MYOM3: variants seen among roughly 807,000 people sequenced by gnomAD.
MYOM3 encodes myomesin 3, also known as myomesin-3.
In MYOM3, 155 loss-of-function variants were observed where a neutral mutation model predicts 191.7. The ratio of observed to expected loss-of-function variants is 0.81; its 90% confidence interval spans 0.71 to 0.92. The LOEUF (loss-of-function observed/expected upper bound fraction) is 0.92. MYOM3 is among the 40% of genes least tolerant of loss of function. The pLI is 0.00. For missense variants in MYOM3, 1,889 were observed against 1,890.6 expected (o/e 1.00, Z 0.02); for synonymous variants, 757 against 762.9 (o/e 0.99, Z 0.13).
At chr1:24,092,107 G>A (rs1643846097) in intron 11 of MYOM3, 67 bp downstream of exon 11, 1 of 1,360,300 alleles carries the variant, frequency 7.4e-7, no homozygotes, top group Admixed American at 2.9e-5. Context: ...CCTCCTCTTT[G>A]CTGTGGCTCC....
Position 24,090,054 on chromosome 1 carries a change from A to G in MYOM3, c.1486+11T>C. The G allele has an allele frequency of 1.9e-5, 31 of 1,613,340 alleles. No individual in the cohort carries two copies. The highest frequency in any genetic ancestry group is 2.5e-5 in the Non-Finnish European group (30 of 1,179,444). On this transcript the variant is annotated intron_variant, in intron 13 of 36. Transcript: ENST00000374434. The stretch of plus-strand genomic sequence containing the variant: ...TACAGGAGGCCCAGTGTGTGGGAGG[A>G]TCCCGCGTACCTTCAAAAGCGTCTG...
At chr1:24,095,860 A>C (rs1437295689) in intron 7 of MYOM3, among the ~76,000 whole-genome samples, 1 of 151,788 alleles carries the variant, frequency 6.6e-6, no homozygotes, top group East Asian at 1.9e-4. Context: ...GATCAGGGAG[A>C]GTGGTGGGGG....
chr1:24,064,227 G>T, intron 29 of MYOM3, 68 bp from the exon 30 acceptor site: 1 of 1,309,984 alleles, frequency 7.6e-7, no homozygotes. Flanking sequence ...TACCAAATCC[G>T]GAGGCCTGGG....
chr1:24,085,280 AGATGGATGGATGGATGGATGGATG>A (rs55900087), intron 15 of MYOM3, among the ~76,000 whole-genome samples: 1 of 137,600 alleles, frequency 7.3e-6, no homozygotes, highest in Non-Finnish European at 1.6e-5. Context: ...ATGGATGGAT[AGATGGATGGATGGATGGATGGATG>A]GATGGATGGA....
chr1:24,082,957 T>C (rs931264525), intron 16 of MYOM3: 11 of 389,388 alleles, frequency 2.8e-5, no homozygotes, highest in Non-Finnish European at 1.3e-5. Flanking sequence ...AAAACGCAAA[T>C]ACGCTAGGAA....
At chr1:24,091,029 G>C (rs780418276) in intron 11 of MYOM3, 33 bp from the exon 12 acceptor site, 1 of 1,609,350 alleles carries the variant, frequency 6.2e-7, no homozygotes, top group Non-Finnish European at 8.5e-7. Context: ...TTCAGCCCCT[G>C]CCCACAATGC....
Position 24,091,071 on chromosome 1 carries a change from C to T in MYOM3, c.1233-75G>A, listed in dbSNP as rs568293059. On this transcript the variant is annotated intron_variant, in intron 11 of 36. Transcript: ENST00000374434. ...TCCCAATGTGAGCCTCTACAAGGGC[C>T]TTTCTCTGACTGGGGGAGCCTGCCC... is the stretch of plus-strand genomic sequence containing the variant. The T allele has an allele frequency of 1.1e-4, 161 of 1,497,014 alleles. 1 individual carries two copies. In the East Asian group the frequency reaches 3.1e-3, roughly 28 times the overall value. The allele number at this position is 1,497,014 out of a possible 1,614,324, so 92.7% of individuals were successfully genotyped here.
chr1:24,109,120 T>C (rs775225437), intron 1 of MYOM3, among the ~76,000 whole-genome samples: 11 of 152,334 alleles, frequency 7.2e-5, no homozygotes, highest in Middle Eastern at 3.4e-3. Flanking sequence ...CCTCTGGGCC[T>C]TTGCCCACGC....
chr1:24,110,016 G>A (rs1304460515), intron 1 of MYOM3, among the ~76,000 whole-genome samples: 1 of 152,284 alleles, frequency 6.6e-6, no homozygotes, highest in African/African-American at 2.4e-5. Flanking sequence ...TGGATATGGA[G>A]AGGCAAACGA....
chr1:24,078,032 G>T (rs981265805), intron 20 of MYOM3, among the ~76,000 whole-genome samples: 10 of 152,118 alleles, frequency 6.6e-5, no homozygotes, highest in Non-Finnish European at 1.3e-4. Context: ...AAGTGATAAA[G>T]CACAACACGA....
Position 24,063,374 on chromosome 1 carries a change from T to C in MYOM3, c.3661+118A>G. On this transcript the variant is annotated intron_variant, in intron 31 of 36. Transcript: ENST00000374434. The surrounding 1 kb of genome is among the most constrained non-coding windows in gnomAD (Gnocchi z 4.5). The stretch of plus-strand genomic sequence containing the variant: ...GCTGTGAAGAGGCGGGATTTTCTCT[T>C]CGGTGTTTGAGGTTAGAAACTAAAC... 7.0e-7 allele frequency: 1 copy of C among 1,428,952 alleles called. No individual in the cohort carries two copies. Among genetic ancestry groups the C allele is most frequent in the Non-Finnish European group, 9.9e-7 (1 of 1,014,686 alleles). 88.5% of individuals were successfully genotyped at this position (1,428,952 alleles called of 1,614,324 possible).
intron 6 of MYOM3, among the ~76,000 whole-genome samples, chr1:24,099,153 C>T (rs1357511163): frequency 6.6e-6 from 1 of 152,146 alleles, no homozygotes; most frequent in African/African-American, 2.4e-5. Context: ...CCTGCCTCTT[C>T]CCTCAAAACC....
chr1:24,088,917 A>C (rs1301936158), intron 14 of MYOM3, among the ~76,000 whole-genome samples: 1 of 152,066 alleles, frequency 6.6e-6, no homozygotes, highest in East Asian at 1.9e-4. Flanking sequence ...AGGCTCAGAG[A>C]GTTTAGGACA....
intron 15 of MYOM3, among the ~76,000 whole-genome samples, chr1:24,085,109 A>G (rs897443521): frequency 6.8e-6 from 1 of 148,034 alleles, no homozygotes; most frequent in East Asian, 2.0e-4. Flanking sequence ...TGGTTGGATG[A>G]ATGGATGGAT....
At chr1:24,095,124 G>T in intron 8 of MYOM3, 134 bp from the exon 9 acceptor site, 1 of 963,228 alleles carries the variant, frequency 1.0e-6, no homozygotes, top group Non-Finnish European at 1.5e-6. Flanking sequence ...TGGCCTTGGG[G>T]TAGGAGGGGA....
chr1:24,064,028 C>T (rs1455026579), intron 30 of MYOM3, 44 bp downstream of exon 30: 2 of 1,390,264 alleles, frequency 1.4e-6, no homozygotes, highest in Non-Finnish European at 2.0e-6. Flanking sequence ...CAGTCTGCTC[C>T]ACTGTGCTCC....
chr1:24,074,058 G>T, intron 23 of MYOM3, 102 bp downstream of exon 23: 3 of 825,286 alleles, frequency 3.6e-6, no homozygotes, highest in Non-Finnish European at 6.0e-6. Context: ...TGTGGAAATT[G>T]CCACTTTACT....
Position 24,063,030 on chromosome 1 carries a change from T to G in MYOM3, c.3770+96A>C. 1.3e-6 allele frequency: 1 copy of G among 783,354 alleles called. No homozygotes were observed. The highest frequency in any genetic ancestry group is 2.2e-6 in the Non-Finnish European group (1 of 448,328). The allele number at this position is 783,354 out of a possible 1,614,324, so 48.5% of individuals were successfully genotyped here. ...TGCTTGGGGGACCAGAAACTCTGCTTGGAGGACCAGGCAGGGAGAAGGGAG... is the reference window on the plus strand; with the variant it reads ...TGCTTGGGGGACCAGAAACTCTGCTGGGAGGACCAGGCAGGGAGAAGGGAG... On this transcript the variant is annotated intron_variant, in intron 32 of 36. Coordinates refer to ENST00000374434, the MANE Select transcript of MYOM3 (RefSeq NM_152372.4). The surrounding 1 kb of genome is among the most constrained non-coding windows in gnomAD (Gnocchi z 4.5).
intron 22 of MYOM3, 53 bp from the exon 23 acceptor site, chr1:24,074,322 A>T (rs1643571132): frequency 2.1e-6 from 3 of 1,400,498 alleles, no homozygotes; most frequent in Non-Finnish European, 3.0e-6. Context: ...GGTCCTGTGC[A>T]CTAGAGGCCT....
Sources: allele counts gnomAD v4.1 joint callset (sites outside exome capture counted in the v4.1 genomes callset), GRCh38; gene constraint gnomAD v4.1.1; non-coding constraint Gnocchi (gnomAD v3.1); transcripts MANE v1.5; gene names NCBI Gene and HGNC (gene_info 2026-07-23, HGNC 2026-07-21).